Variants in GRM8 observed in about 807,000 individuals in gnomAD.
GRM8 encodes the protein metabotropic glutamate receptor 8.
GRM8 carries 47 observed loss-of-function variants against 87.2 expected under a neutral mutation model. That is an observed-to-expected ratio of 0.54 (90% CI 0.43 to 0.69). GRM8 has a LOEUF of 0.69. GRM8 is among the 30% of genes least tolerant of loss of function. The pLI, the probability that GRM8 is intolerant of heterozygous loss-of-function variation, is 0.00. For missense variants in GRM8, 1,019 were observed against 1,139.2 expected (o/e 0.89, Z 1.52); for synonymous variants, 396 against 404.5 (o/e 0.98, Z 0.25).
rs145940788 is a variant in GRM8 at position 126,533,570 on chromosome 7, G to T, written c.1812C>A (p.Thr604=). The T allele has an allele frequency of 2.5e-6, 4 of 1,613,952 alleles. No individual in the cohort carries two copies. In the African/African-American group the frequency reaches 5.3e-5, roughly 22 times the overall value. The change falls in exon 9 of 11, where the codon ACC becomes ACA. Residue 604 remains threonine (T), a synonymous_variant. Transcript: ENST00000339582. ...TAGGTGTGTCATTATAGCGGACAAAGGTCACGATCACAAAGGTGGTGGCGA... is the reference window on the plus strand; with the variant it reads ...TAGGTGTGTCATTATAGCGGACAAATGTCACGATCACAAAGGTGGTGGCGA... ...GIIATTFVIV[T]FVRYNDTPIV...
chr7:126,927,645 T>C (rs1384053464), intron 3 of GRM8, among the ~76,000 whole-genome samples: 2 of 152,144 alleles, frequency 1.3e-5, no homozygotes, highest in Non-Finnish European at 1.5e-5. Context: ...ATTAGAGAAA[T>C]GCAAATCAAA....
intron 8 of GRM8, among the ~76,000 whole-genome samples, chr7:126,558,563 T>C (rs10278284): frequency 0.83 from 126,065 of 152,150 alleles, 52,619 homozygotes; most frequent in East Asian, 0.94. Context: ...ATAACCTACA[T>C]GCATCCTACT....
chr7:126,968,030 C>T (rs7785880), intron 3 of GRM8, among the ~76,000 whole-genome samples: 4,488 of 152,140 alleles, frequency 0.029, 214 homozygotes, highest in African/African-American at 0.1. Flanking sequence ...TAAATGTACA[C>T]GATACATATG....
chr7:126,515,771 G>A (rs1247205946), intron 9 of GRM8, among the ~76,000 whole-genome samples: 1 of 151,984 alleles, frequency 6.6e-6, no homozygotes, highest in Non-Finnish European at 1.5e-5. Context: ...TTCCATATCT[G>A]AGACACAACC....
intron 7 of GRM8, among the ~76,000 whole-genome samples, chr7:126,655,076 T>C (rs1804354309): frequency 6.6e-6 from 1 of 152,144 alleles, no homozygotes; most frequent in African/African-American, 2.4e-5. Context: ...ATACATAAAA[T>C]GGATGGTACA....
intron 6 of GRM8, among the ~76,000 whole-genome samples, chr7:126,807,790 T>C (rs1792924259): frequency 6.6e-6 from 1 of 152,226 alleles, no homozygotes; most frequent in East Asian, 1.9e-4. Flanking sequence ...AATTAAAAGC[T>C]ATAATTAAGG....
intron 6 of GRM8, among the ~76,000 whole-genome samples, chr7:126,801,086 C>A (rs1314953673): frequency 6.6e-6 from 1 of 151,926 alleles, no homozygotes; most frequent in Non-Finnish European, 1.5e-5. Flanking sequence ...CACAATCAAC[C>A]AATATGCATA....
intron 7 of GRM8, among the ~76,000 whole-genome samples, chr7:126,613,041 G>A (rs138394073): frequency 6.6e-6 from 1 of 152,150 alleles, no homozygotes; most frequent in Admixed American, 6.5e-5. Flanking sequence ...GCGATTTCTA[G>A]TCTTAAATTA....
chr7:126,477,507 A>G (rs1806066515), intron 9 of GRM8, among the ~76,000 whole-genome samples: 1 of 151,770 alleles, frequency 6.6e-6, no homozygotes, highest in African/African-American at 2.4e-5. Context: ...CAATATATAT[A>G]CTTTTTATTT....
intron 2 of GRM8, among the ~76,000 whole-genome samples, chr7:127,224,887 T>C (rs1377187522): frequency 6.6e-6 from 1 of 152,178 alleles, no homozygotes. Flanking sequence ...AGTGCTGGGA[T>C]TGCAGGTGTG....
At chr7:126,988,344 G>A (rs923863382) in intron 3 of GRM8, among the ~76,000 whole-genome samples, 17 of 152,188 alleles carry the variant, frequency 1.1e-4, no homozygotes, top group Admixed American at 2.6e-4. Context: ...TGCTATAGAA[G>A]CACTTAAGGC....
At chr7:127,065,715 A>C (rs1480804860) in intron 3 of GRM8, among the ~76,000 whole-genome samples, 1 of 152,142 alleles carries the variant, frequency 6.6e-6, no homozygotes, top group South Asian at 2.1e-4. Context: ...GCCCAAGTGG[A>C]ATTCTCATTC....
In GRM8 at chr7:127,243,179, G is replaced by C. The variant is rs777461700; in HGVS notation, c.26C>G (p.Ala9Gly). 1 of 1,610,744 alleles carries C rather than the reference G, an allele frequency of 6.2e-7. No individual in the cohort carries two copies. Among genetic ancestry groups the C allele is most frequent in the Non-Finnish European group, 8.5e-7 (1 of 1,179,850 alleles). ...CAAGAGGAAGAAACAAGGGCAAGAG[G>C]CTGATCGCTTTCCCTCGCATACCAT... MVCEGKRS[A>G]SCPCFFLLTA... is the part of the protein sequence containing the mutation. Residue 9 changes from alanine to glycine, a missense_variant, in exon 2 of 11, where the codon GCC (alanine) becomes GGC (glycine). Physicochemically the swap from Ala to Gly is moderately conservative, Grantham distance 60. Transcript: ENST00000339582.
At chr7:127,163,086 G>A (rs1359277418) in intron 2 of GRM8, among the ~76,000 whole-genome samples, 1 of 152,088 alleles carries the variant, frequency 6.6e-6, no homozygotes, top group Admixed American at 6.6e-5. Context: ...AGGGATAGGG[G>A]TTGTAGTAGG....
Position 126,895,301 on chromosome 7 carries a change from A to C in GRM8, c.1156+7241T>G, listed in dbSNP as rs10274170. On this transcript the variant is annotated intron_variant, in intron 6 of 10. Coordinates refer to ENST00000339582, the MANE Select transcript of GRM8 (RefSeq NM_000845.3). ...TGAGTTTATCAGTAACCTTTAGCACAGTTGAATGTTTATTTTGCTAATTTA... is the reference window on the plus strand; with the variant it reads ...TGAGTTTATCAGTAACCTTTAGCACCGTTGAATGTTTATTTTGCTAATTTA... Among the ~76,000 whole-genome samples, 1,326 of 152,146 alleles carry C rather than the reference A, an allele frequency of 8.7e-3. 17 individuals are homozygous for C. The highest frequency in any genetic ancestry group is 0.03 in the African/African-American group (1,251 of 41,532).
intron 9 of GRM8, among the ~76,000 whole-genome samples, chr7:126,460,535 A>G (rs1462560972): frequency 6.6e-6 from 1 of 151,642 alleles, no homozygotes; most frequent in Non-Finnish European, 1.5e-5. Context: ...ACTCTAGACC[A>G]CAGACAAAAA....
intron 6 of GRM8, among the ~76,000 whole-genome samples, chr7:126,871,412 T>A (rs904892465): frequency 5.9e-5 from 9 of 152,214 alleles, no homozygotes; most frequent in Non-Finnish European, 1.2e-4. Context: ...AAGGTAGTAA[T>A]AAAAGAGCAC....
chr7:126,510,356 T>C (rs1200186295), intron 9 of GRM8, among the ~76,000 whole-genome samples: 2 of 151,374 alleles, frequency 1.3e-5, no homozygotes, highest in African/African-American at 4.9e-5. Context: ...AAATAAAAGA[T>C]GATGTGATGT....
intron 3 of GRM8, among the ~76,000 whole-genome samples, chr7:127,075,451 A>G (rs1267772146): frequency 6.6e-6 from 1 of 152,200 alleles, no homozygotes; most frequent in Non-Finnish European, 1.5e-5. Flanking sequence ...TGATAAATGC[A>G]TTCATAAATT....
Sources: gnomAD v4.1 joint callset for allele counts (sites outside exome capture counted in the v4.1 genomes callset) on GRCh38, gnomAD v4.1.1 for gene constraint, MANE v1.5 for transcripts, NCBI Gene and HGNC (gene_info 2026-07-23, HGNC 2026-07-21) for gene names.